The following IFT80 variants were observed in gnomAD, a reference collection of about 807,000 sequenced individuals.
IFT80 encodes intraflagellar transport protein 80 homolog.
A neutral mutation model predicts 107.9 loss-of-function variants in IFT80; 79 were observed. The ratio of observed to expected loss-of-function variants is 0.73; its 90% CI spans 0.61 to 0.88. IFT80 has a LOEUF of 0.88. Ranked by LOEUF, IFT80 falls within the 40% of genes least tolerant of loss-of-function variation. IFT80 has a pLI of 0.00. For synonymous variants in IFT80, 299 were observed against 300.9 expected, an observed-to-expected ratio of 0.99 and a Z score of 0.07; for missense variants, 797 against 914.2, an observed-to-expected ratio of 0.87 and a Z score of 1.65.
At chr3:160,279,592 G>A (rs1714531457) in intron 15 of IFT80, among the ~76,000 whole-genome samples, 1 of 152,136 alleles carries the variant, frequency 6.6e-6, no homozygotes, top group Non-Finnish European at 1.5e-5. Context: ...GTAAACATTT[G>A]AATATAACTT....
At chr3:160,298,664 G>A (rs1369624046) in intron 12 of IFT80, among the ~76,000 whole-genome samples, 2 of 152,160 alleles carry the variant, frequency 1.3e-5, no homozygotes, top group Non-Finnish European at 2.9e-5. Flanking sequence ...ATGGTGATAT[G>A]TTCTGAGAAA....
intron 18 of IFT80, among the ~76,000 whole-genome samples, chr3:160,276,175 T>C (rs1319466968): frequency 6.6e-6 from 1 of 152,192 alleles, no homozygotes; most frequent in Admixed American, 6.5e-5. Flanking sequence ...TGGCAGCCTA[T>C]TTATTTTTAT....
At chr3:160,329,823 GCTTT>G (rs1018225782) in intron 8 of IFT80, among the ~76,000 whole-genome samples, 5 of 143,866 alleles carry the variant, frequency 3.5e-5, no homozygotes, top group African/African-American at 1.2e-4. Context: ...AAAATTGTAT[GCTTT>G]TTTTTTCTTG....
At chr3:160,261,457 A>T (rs1341132241) in intron 19 of IFT80, among the ~76,000 whole-genome samples, 1 of 148,034 alleles carries the variant, frequency 6.8e-6, no homozygotes, top group East Asian at 1.9e-4. Context: ...CAAAAAATAT[A>T]TCTAGTATGC....
chr3:160,273,664 A>C (rs1714001684), intron 18 of IFT80, among the ~76,000 whole-genome samples: 1 of 152,204 alleles, frequency 6.6e-6, no homozygotes, highest in Non-Finnish European at 1.5e-5. Flanking sequence ...GAGATATCTA[A>C]TGGAAATGTT....
At chr3:160,285,683 C>A in intron 13 of IFT80, 121 bp downstream of exon 13, 2 of 694,358 alleles carry the variant, frequency 2.9e-6, no homozygotes, top group Non-Finnish European at 2.5e-6. Context: ...ATGGAGAATG[C>A]ACATTGATTT....
chr3:160,356,199 G>A lies in IFT80; in HGVS notation c.640-49C>T. ...CTTTTATAATATCAGGGAGAAGTTT[G>A]CAAAAACTAAAAGAAAAATAAATAA... On this transcript the variant is annotated intron_variant, in intron 7 of 19. Coordinates refer to ENST00000326448, the MANE Select transcript of IFT80 (RefSeq NM_020800.3). 4 of 1,484,230 alleles carry A rather than the reference G, an allele frequency of 2.7e-6. No homozygotes were observed. In the South Asian group the frequency reaches 3.7e-5, roughly 14 times the overall value. 91.9% of individuals were successfully genotyped at this position (1,484,230 alleles called of 1,614,324 possible). A position where few individuals can be genotyped will look rare whatever the true frequency, so the allele number is the denominator to read the frequency against.
rs548428216 is a variant in IFT80, at chr3:160,258,774, G to T, written c.2224-139C>A. On this transcript the variant is annotated intron_variant, in intron 19 of 19. Transcript: ENST00000326448. ...AAAAAGAGAGCATCAAAAGATTAGA[G>T]AAAAAGAGAGCATCAAAGTTAAGAA... is the stretch of plus-strand genomic sequence containing the variant. 6.0e-6 allele frequency: 7 copies of T among 1,158,040 alleles called. No homozygotes were observed. The South Asian group carries it at 1.0e-4, about 17-fold the overall frequency. 71.7% of individuals were successfully genotyped at this position (1,158,040 alleles called of 1,614,324 possible).
At chr3:160,287,973 A>G (rs948485057) in intron 12 of IFT80, among the ~76,000 whole-genome samples, 2 of 152,188 alleles carry the variant, frequency 1.3e-5, no homozygotes, top group African/African-American at 4.8e-5. Context: ...AATGATCCCT[A>G]AGAGAATAGG....
intron 18 of IFT80, among the ~76,000 whole-genome samples, chr3:160,277,074 C>A (rs1266134379): frequency 6.6e-6 from 1 of 152,090 alleles, no homozygotes; most frequent in African/African-American, 2.4e-5. Context: ...GTTGCTAAAA[C>A]CAAAAATTTA....
intron 19 of IFT80, among the ~76,000 whole-genome samples, chr3:160,267,801 A>C (rs1170575019): frequency 6.6e-6 from 1 of 152,150 alleles, no homozygotes; most frequent in Non-Finnish European, 1.5e-5. Flanking sequence ...TCTTGGGCTC[A>C]AGCAGTCCTC....
chr3:160,361,785 A>C (rs988421394), intron 6 of IFT80, among the ~76,000 whole-genome samples: 12 of 152,208 alleles, frequency 7.9e-5, no homozygotes, highest in African/African-American at 2.4e-4. Context: ...TACTGGGTAC[A>C]TAACGAAATG....
At chr3:160,397,177 CCA>C (rs10608869) in intron 1 of IFT80, among the ~76,000 whole-genome samples, 12,213 of 152,166 alleles carry the variant, frequency 0.08, 653 homozygotes, top group African/African-American at 0.14. Context: ...CAAAATGACT[CCA>C]GATTTTTTTC....
At chr3:160,339,169 T>A (rs908064289) in intron 8 of IFT80, among the ~76,000 whole-genome samples, 3 of 152,238 alleles carry the variant, frequency 2.0e-5, no homozygotes, top group Non-Finnish European at 4.4e-5. Context: ...CATAAGATAC[T>A]GTATGTAAGT....
intron 19 of IFT80, among the ~76,000 whole-genome samples, chr3:160,261,220 C>T (rs1712797878): frequency 6.6e-6 from 1 of 152,060 alleles, no homozygotes; most frequent in Admixed American, 6.6e-5. Flanking sequence ...TCCTGTGACA[C>T]TTTAAGAACT....
rs543720516 is a variant in IFT80, at chr3:160,289,613, G to A, written c.1316-3745C>T. Among the ~76,000 whole-genome samples the A allele has an allele frequency of 1.8e-4, 27 of 152,204 alleles. 1 individual carries two copies. The East Asian group carries it at 2.9e-3, about 16-fold the overall frequency. ...CAGAGGTTGGGTGGACCAATGCGGC[G>A]GTCCTGCTAGTGCCCCAACATTTAA... On this transcript the variant is annotated intron_variant, in intron 12 of 19. Transcript: ENST00000326448.
At chr3:160,283,295 T>C (rs1353902638) in intron 13 of IFT80, among the ~76,000 whole-genome samples, 2 of 152,222 alleles carry the variant, frequency 1.3e-5, no homozygotes, top group African/African-American at 4.8e-5. Context: ...TGTTTTAATA[T>C]AGATTCATTT....
chr3:160,344,835 TG>T (rs1238218150), intron 8 of IFT80, among the ~76,000 whole-genome samples: 10 of 152,096 alleles, frequency 6.6e-5, no homozygotes, highest in African/African-American at 2.2e-4. Flanking sequence ...AACAGGTATA[TG>T]AAAAGGTGCT....
At chr3:160,352,227 C>T (rs1720762848) in intron 8 of IFT80, among the ~76,000 whole-genome samples, 1 of 152,048 alleles carries the variant, frequency 6.6e-6, no homozygotes, top group Non-Finnish European at 1.5e-5. Context: ...ATCTCCTGAC[C>T]TCGTGATCTG....
Sources: gnomAD v4.1 joint callset for allele counts (sites outside exome capture counted in the v4.1 genomes callset) on GRCh38, gnomAD v4.1.1 for gene constraint, MANE v1.5 for transcripts, NCBI Gene and HGNC (gene_info 2026-07-23, HGNC 2026-07-21) for gene names.